The following RABGAP1L variants were observed in gnomAD, a reference collection of about 807,000 sequenced individuals.
The protein encoded by RABGAP1L is rab GTPase-activating protein 1-like.
RABGAP1L carries 63 observed loss-of-function variants against 137.7 expected under a neutral mutation model. That is an observed-to-expected ratio of 0.46 (90% CI 0.37 to 0.56). The LOEUF is 0.56. Ranked by LOEUF, RABGAP1L falls within the 20% of genes least tolerant of loss-of-function variation. RABGAP1L has a pLI of 0.00. For missense variants in RABGAP1L, 1,095 were observed against 1,244.0 expected, an observed-to-expected ratio of 0.88 and a Z score of 1.80; for synonymous variants, 431 against 433.7, an observed-to-expected ratio of 0.99 and a Z score of 0.08.
intron 14 of RABGAP1L, among the ~76,000 whole-genome samples, chr1:174,670,232 C>T (rs1179976349): frequency 6.6e-6 from 1 of 151,726 alleles, no homozygotes; most frequent in Non-Finnish European, 1.5e-5. Context: ...TTTATAGCTA[C>T]TTTATTTTTT....
chr1:174,602,126 G>A (rs939721028), intron 13 of RABGAP1L, among the ~76,000 whole-genome samples: 7 of 151,986 alleles, frequency 4.6e-5, no homozygotes, highest in Admixed American at 6.6e-5. Context: ...CCATATTTTC[G>A]GGTATCTTTT....
chr1:174,704,803 A>T (rs966873698), intron 17 of RABGAP1L, among the ~76,000 whole-genome samples: 2 of 152,208 alleles, frequency 1.3e-5, no homozygotes, highest in African/African-American at 4.8e-5. Context: ...ACTCTACCTG[A>T]TTATCCAAAT....
chr1:174,552,280 G>T (rs1247455959), intron 13 of RABGAP1L, among the ~76,000 whole-genome samples: 2 of 152,078 alleles, frequency 1.3e-5, no homozygotes, highest in Non-Finnish European at 2.9e-5. Context: ...ATTAAGCCTA[G>T]TATTCATTAG....
chr1:174,698,264 C>G (rs1448773868), intron 15 of RABGAP1L, among the ~76,000 whole-genome samples: 1 of 152,148 alleles, frequency 6.6e-6, no homozygotes, highest in African/African-American at 2.4e-5. Flanking sequence ...ATGTCCCTTT[C>G]CATATTCTTT....
chr1:174,238,529 G>C (rs1182224764), intron 4 of RABGAP1L, among the ~76,000 whole-genome samples: 1 of 152,060 alleles, frequency 6.6e-6, no homozygotes, highest in Non-Finnish European at 1.5e-5. Context: ...ACCCTGCAGT[G>C]TGAGGTGTCA....
intron 10 of RABGAP1L, among the ~76,000 whole-genome samples, chr1:174,299,009 A>G (rs1677399648): frequency 6.6e-6 from 1 of 152,392 alleles, no homozygotes; most frequent in Admixed American, 6.5e-5. Flanking sequence ...AATGGCAAAT[A>G]TAAGTTTTGA....
At chr1:174,822,089 T>C (rs1266656691) in intron 19 of RABGAP1L, among the ~76,000 whole-genome samples, 1 of 152,126 alleles carries the variant, frequency 6.6e-6, no homozygotes, top group East Asian at 1.9e-4. Flanking sequence ...AGTGAAACCC[T>C]GTCTCTACTA....
intron 13 of RABGAP1L, among the ~76,000 whole-genome samples, chr1:174,415,972 A>G (rs1393077185): frequency 4.7e-5 from 7 of 150,382 alleles, no homozygotes; most frequent in Non-Finnish European, 8.9e-5. Context: ...CATAAACTAT[A>G]CCAGAACCTT....
chr1:174,845,180 A>G (rs1693921008), intron 19 of RABGAP1L, among the ~76,000 whole-genome samples: 1 of 125,154 alleles, frequency 8.0e-6, no homozygotes, highest in African/African-American at 2.6e-5. Flanking sequence ...AACAGGGACA[A>G]TTTGACTTCC....
chr1:174,758,150 T>G (rs1684919098), intron 18 of RABGAP1L, among the ~76,000 whole-genome samples: 1 of 152,242 alleles, frequency 6.6e-6, no homozygotes, highest in Non-Finnish European at 1.5e-5. Context: ...CTTCAACAGT[T>G]GTCAAAACAG....
At chr1:174,348,205 ATATCT>A (rs1468762061) in intron 11 of RABGAP1L, among the ~76,000 whole-genome samples, 1 of 151,052 alleles carries the variant, frequency 6.6e-6, no homozygotes, top group South Asian at 2.1e-4. Flanking sequence ...CTTGTAAATA[ATATCT>A]TATAACCCAC....
At position 174,255,999 on chromosome 1, in the gene RABGAP1L, G is replaced by C. The variant is rs534744476; in HGVS notation, c.986+3409G>C. Among the ~76,000 whole-genome samples, 4 of 152,294 alleles carry C rather than the reference G, an allele frequency of 2.6e-5. 1 individual carries two copies. The highest frequency in any genetic ancestry group is 9.6e-5 in the African/African-American group (4 of 41,552). On this transcript the variant is annotated intron_variant, in intron 7 of 25. Coordinates refer to ENST00000681986, the MANE Select transcript of RABGAP1L (RefSeq NM_001366446.1). Reference sequence around the variant, plus strand: ...CCACAGTATACTTATCAACATACGTGAATTTAGCATTCATACACAACTTTT... The same window carrying C: ...CCACAGTATACTTATCAACATACGTCAATTTAGCATTCATACACAACTTTT...
intron 1 of RABGAP1L, among the ~76,000 whole-genome samples, chr1:174,180,428 A>C (rs533725297): frequency 1.3e-5 from 2 of 152,234 alleles, no homozygotes; most frequent in Non-Finnish European, 2.9e-5. Context: ...TTCCTCCATT[A>C]GCTAAAATTT....
At chr1:174,964,021 A>T (rs1210342869) in intron 20 of RABGAP1L, among the ~76,000 whole-genome samples, 2 of 152,196 alleles carry the variant, frequency 1.3e-5, no homozygotes, top group African/African-American at 4.8e-5. Context: ...ATAAAATTGG[A>T]TGTGATGAGT....
At chr1:174,391,940 C>A (rs1482802923) in intron 12 of RABGAP1L, among the ~76,000 whole-genome samples, 1 of 152,160 alleles carries the variant, frequency 6.6e-6, no homozygotes, top group Non-Finnish European at 1.5e-5. Context: ...AGTATAATCA[C>A]AGCCAAACAT....
chr1:174,735,612 C>CAAAAAA (rs59281177), intron 17 of RABGAP1L, among the ~76,000 whole-genome samples: 156 of 46,132 alleles, frequency 3.4e-3, no homozygotes, highest in Non-Finnish European at 4.9e-3. Context: ...AACTCCATCT[C>CAAAAAA]AAAAAAAAAA....
At chr1:174,485,111 C>T (rs901414108) in intron 13 of RABGAP1L, among the ~76,000 whole-genome samples, 1 of 152,166 alleles carries the variant, frequency 6.6e-6, no homozygotes, top group Non-Finnish European at 1.5e-5. Flanking sequence ...TTATTTGCAG[C>T]TATTGTAAAT....
At chr1:174,307,241 C>T (rs530778214) in intron 11 of RABGAP1L, among the ~76,000 whole-genome samples, 33 of 152,230 alleles carry the variant, frequency 2.2e-4, no homozygotes, top group Middle Eastern at 3.4e-3. Context: ...TGACATTATT[C>T]GGTCAAGTTA....
At chr1:174,727,756 A>G (rs190187396) in intron 17 of RABGAP1L, among the ~76,000 whole-genome samples, 12 of 152,352 alleles carry the variant, frequency 7.9e-5, no homozygotes, top group Admixed American at 7.8e-4. Context: ...ACATTACACA[A>G]TGTATATGTT....
Sources: gnomAD v4.1 joint callset for allele counts (sites outside exome capture counted in the v4.1 genomes callset) on GRCh38, gnomAD v4.1.1 for gene constraint, MANE v1.5 for transcripts, NCBI Gene and HGNC (gene_info 2026-07-23, HGNC 2026-07-21) for gene names.